Variants in CHL1 observed in about 807,000 individuals in gnomAD.
CHL1 encodes cell adhesion molecule L1 like.
In CHL1, 96 loss-of-function variants were observed where a neutral mutation model predicts 141.9. That is an observed-to-expected ratio of 0.68 (90% CI 0.57 to 0.80). CHL1 has a LOEUF of 0.80. Among genes scored for constraint, CHL1 ranks in the 30% least tolerant of loss-of-function variants. The pLI is 0.00. For synonymous variants in CHL1, 613 were observed against 502.2 expected (o/e 1.22, Z -2.95); for missense variants, 1,820 against 1,457.2 (o/e 1.25, Z -4.05).
chr3:264,200 A>G (rs980665396), intron 2 of CHL1, among the ~76,000 whole-genome samples: 2 of 152,180 alleles, frequency 1.3e-5, no homozygotes, highest in East Asian at 3.8e-4. Context: ...TGAATAGGAG[A>G]TATGAATTAT....
chr3:263,794 G>T (rs192342887), intron 2 of CHL1, among the ~76,000 whole-genome samples: 1 of 152,316 alleles, frequency 6.6e-6, no homozygotes, highest in Non-Finnish European at 1.5e-5. Context: ...CCTAGGGAAT[G>T]TTGAAAGAAT....
chr3:254,843 C>G (rs908754418), intron 2 of CHL1, among the ~76,000 whole-genome samples: 2 of 152,120 alleles, frequency 1.3e-5, no homozygotes, highest in Non-Finnish European at 2.9e-5. Flanking sequence ...GGGAGGAGCC[C>G]TTCTGACCTA....
intron 1 of CHL1, among the ~76,000 whole-genome samples, chr3:231,303 C>T (rs1701827605): frequency 6.6e-6 from 1 of 152,000 alleles, no homozygotes; most frequent in African/African-American, 2.4e-5. Flanking sequence ...CTTCCTCCTT[C>T]CTCTCCTCTC....
rs189294130 is a variant in CHL1 at position 383,785 on chromosome 3, A to G, written c.2177-31A>G. 1.5e-3 allele frequency: 2,292 copies of G among 1,560,300 alleles called. 3 individuals are homozygous for G. Among genetic ancestry groups the G allele is most frequent in the Admixed American group, 2.7e-3 (161 of 59,768 alleles). On this transcript the variant is annotated intron_variant, in intron 18 of 27. Transcript: ENST00000256509. ...GATGACTTACCTATGGGTTAAAAGG[A>G]AAAATAATGTTAATGTTTTTAATTT...
At chr3:215,155 G>A (rs923000268) in intron 1 of CHL1, among the ~76,000 whole-genome samples, 2 of 150,922 alleles carry the variant, frequency 1.3e-5, no homozygotes, top group Non-Finnish European at 3.0e-5. Flanking sequence ...CCAAGATATA[G>A]AATCAACCTA....
At position 394,716 on chromosome 3, in the gene CHL1, G is replaced by A; in HGVS notation, c.2938G>A (p.Glu980Lys). The A allele has an allele frequency of 1.9e-6, 3 of 1,611,782 alleles. No homozygotes were observed. Among genetic ancestry groups the A allele is most frequent in the Non-Finnish European group, 2.5e-6 (3 of 1,178,948 alleles). Reference sequence around the variant, plus strand: ...AGTAAATGACACCTACGAGATTGGAGAATTAAATGATATTAACATTACAAC... The same window carrying A: ...AGTAAATGACACCTACGAGATTGGAAAATTAAATGATATTAACATTACAAC... ...QIINDTYEIGELNDINITTPS... is the reference protein window; with the variant it reads ...QIINDTYEIGKLNDINITTPS... Residue 980 changes from glutamate (E) to lysine (K), a missense_variant, in exon 24 of 28, where the codon GAA becomes AAA. Transcript: ENST00000256509.
Position 363,662 on chromosome 3 carries a change from A to G in CHL1, c.1585+279A>G, listed in dbSNP as rs894897610. 32 of 245,692 alleles carry G rather than the reference A, an allele frequency of 1.3e-4. No individual in the cohort carries two copies. In the Admixed American group the frequency reaches 1.6e-3, roughly 12 times the overall value. 15.2% of individuals were successfully genotyped at this position (245,692 alleles called of 1,614,324 possible). On this transcript the variant is annotated intron_variant, in intron 14 of 27. Transcript: ENST00000256509. ...TTAAAAATTACCTATTAACCATACT[A>G]CACCATATTTCTGTAACTATATTTT...
intron 2 of CHL1, among the ~76,000 whole-genome samples, chr3:278,057 A>G (rs527695599): frequency 6.6e-6 from 1 of 152,354 alleles, no homozygotes; most frequent in South Asian, 2.1e-4. Flanking sequence ...GTTGCCCAGT[A>G]CTTCCTCAAC....
intron 2 of CHL1, among the ~76,000 whole-genome samples, chr3:287,419 T>G (rs1179035298): frequency 6.6e-6 from 1 of 152,188 alleles, no homozygotes; most frequent in East Asian, 1.9e-4. Flanking sequence ...CGATTGTCTT[T>G]TCACCTGCTC....
At chr3:358,525 G>C (rs1277998869) in intron 11 of CHL1, among the ~76,000 whole-genome samples, 2 of 152,112 alleles carry the variant, frequency 1.3e-5, no homozygotes, top group African/African-American at 4.8e-5. Flanking sequence ...ATCTTTCAGG[G>C]GCTATTGTTT....
chr3:299,666 A>G (rs568856746), intron 2 of CHL1, among the ~76,000 whole-genome samples: 1 of 152,228 alleles, frequency 6.6e-6, no homozygotes, highest in Admixed American at 6.5e-5. Flanking sequence ...GTGCCTCCAT[A>G]ACTCTCTTAC....
chr3:272,537 T>C (rs768254529), intron 2 of CHL1, among the ~76,000 whole-genome samples: 7 of 152,158 alleles, frequency 4.6e-5, no homozygotes, highest in African/African-American at 1.7e-4. Context: ...GCTAATAGAG[T>C]ACACTAGTGT....
chr3:314,533 T>C (rs187676498), intron 2 of CHL1, among the ~76,000 whole-genome samples: 128 of 152,008 alleles, frequency 8.4e-4, no homozygotes, highest in African/African-American at 2.7e-3. Context: ...TCTGCTGAAC[T>C]TAGCCAGTCT....
At chr3:220,500 G>T (rs1289337861) in intron 1 of CHL1, among the ~76,000 whole-genome samples, 1 of 151,984 alleles carries the variant, frequency 6.6e-6, no homozygotes, top group South Asian at 2.1e-4. Flanking sequence ...TAACACTAAC[G>T]ATAGCTGATG....
At chr3:291,681 A>G (rs1288602436) in intron 2 of CHL1, among the ~76,000 whole-genome samples, 2 of 152,084 alleles carry the variant, frequency 1.3e-5, no homozygotes, top group African/African-American at 4.8e-5. Flanking sequence ...AGATTTTTAG[A>G]GGTCATTTTT....
chr3:391,815 T>C lies in CHL1; in HGVS notation c.2914+18T>C, dbSNP rs372558813. 5 of 1,566,960 alleles carry C rather than the reference T, an allele frequency of 3.2e-6. No homozygotes were observed. The African/African-American group carries it at 4.1e-5, about 13-fold the overall frequency. ...TCAGATAAGTAAGTAGAAATTTGAA[T>C]TGGAGTTAACTTGTTAATGTTTCAT... On this transcript the variant is annotated intron_variant, in intron 23 of 27. Coordinates refer to ENST00000256509, the MANE Select transcript of CHL1 (RefSeq NM_006614.4).
chr3:324,605 CTTTATTTA>C (rs60745240), intron 3 of CHL1, among the ~76,000 whole-genome samples: 1,874 of 146,096 alleles, frequency 0.013, 17 homozygotes, highest in African/African-American at 0.024. Context: ...TCACTTCCTA[CTTTATTTA>C]TTTATTTATT....
intron 2 of CHL1, among the ~76,000 whole-genome samples, chr3:283,948 G>A (rs946743580): frequency 6.6e-6 from 1 of 152,164 alleles, no homozygotes; most frequent in Admixed American, 6.5e-5. Flanking sequence ...TTTATCAGAT[G>A]AATGAATGCA....
chr3:209,557 C>G (rs80350980), intron 1 of CHL1, among the ~76,000 whole-genome samples: 2,889 of 152,090 alleles, frequency 0.019, 96 homozygotes, highest in African/African-American at 0.066. Flanking sequence ...TTAACAGAAC[C>G]CTAATCTTTT....
Sources: gnomAD v4.1 joint callset for allele counts (sites outside exome capture counted in the v4.1 genomes callset) on GRCh38, gnomAD v4.1.1 for gene constraint, MANE v1.5 for transcripts, NCBI Gene and HGNC (gene_info 2026-07-23, HGNC 2026-07-21) for gene names.